The following NLGN4X variants were observed in gnomAD, a reference collection of about 807,000 sequenced individuals.
NLGN4X encodes neuroligin 4 X-linked, also known as neuroligin-4, X-linked.
In NLGN4X, 3 loss-of-function variants were observed where a neutral mutation model predicts 40.3. The ratio of observed to expected loss-of-function variants is 0.07; its 90% confidence interval spans 0.03 to 0.19. The LOEUF (loss-of-function observed/expected upper bound fraction) is 0.19, where lower values mean the gene tolerates loss of function less well. Ranked by LOEUF, NLGN4X falls within the 10% of genes least tolerant of loss-of-function variation. The pLI, the probability that NLGN4X is intolerant of heterozygous loss-of-function variation, is 1.00. For missense variants in NLGN4X, 382 were observed against 708.3 expected, an observed-to-expected ratio of 0.54 and a Z score of 5.23; for synonymous variants, 270 against 306.8, an observed-to-expected ratio of 0.88 and a Z score of 1.25.
intron 3 of NLGN4X, among the ~76,000 whole-genome samples, chrX:6,023,370 C>G (rs2036602829): frequency 8.9e-6 from 1 of 112,326 alleles, no homozygotes; most frequent in Admixed American, 9.4e-5. Context: ...AATTGTGTAT[C>G]TTGATCAGCA....
chrX:6,111,978 T>C (rs1056509338), intron 2 of NLGN4X, among the ~76,000 whole-genome samples: 1 of 112,057 alleles, frequency 8.9e-6, no homozygotes, highest in Non-Finnish European at 1.9e-5. Context: ...GCTAGAGTCA[T>C]GAACAAATAC....
At chrX:6,037,727 C>T (rs778916918) in intron 2 of NLGN4X, among the ~76,000 whole-genome samples, 44 of 103,184 alleles carry the variant, frequency 4.3e-4, no homozygotes, top group Non-Finnish European at 8.1e-4. Context: ...TACATTATTT[C>T]CACACAGGGA....
At position 6,128,376 on chromosome X, in the gene NLGN4X, CAGTCCACTCT is replaced by C. The variant is rs1405532577; in HGVS notation, c.472+22609_472+22618del. Among the ~76,000 whole-genome samples the C allele has an allele frequency of 2.7e-5, 3 of 111,899 alleles. No individual in the cohort carries two copies. The East Asian group carries it at 8.4e-4, about 31-fold the overall frequency. On this transcript the variant is annotated intron_variant, in intron 2 of 5. Transcript: ENST00000381095. ...TACAAGGGAGCCCACAAGAAAATGA[CAGTCCACTCT>C]AGTAAAAAACGATATGATGAAAATG...
At chrX:5,900,887 A>G (rs1489411002) in intron 5 of NLGN4X, among the ~76,000 whole-genome samples, 3 of 111,138 alleles carry the variant, frequency 2.7e-5, no homozygotes, top group African/African-American at 9.8e-5. Flanking sequence ...GCATAGCCAT[A>G]CAGTTTTGGA....
chrX:5,926,702 G>T (rs1422843788), intron 3 of NLGN4X, among the ~76,000 whole-genome samples: 2 of 108,415 alleles, frequency 1.8e-5, no homozygotes, highest in Non-Finnish European at 3.8e-5. Context: ...GGGCCTTTGT[G>T]TTTTTATTGT....
chrX:6,103,957 T>C (rs950658860), intron 2 of NLGN4X, among the ~76,000 whole-genome samples: 2 of 112,073 alleles, frequency 1.8e-5, no homozygotes, highest in Non-Finnish European at 3.8e-5. Flanking sequence ...GTATGTGCAA[T>C]TGGGTGCACC....
chrX:6,136,721 C>T (rs2039827193), intron 2 of NLGN4X, among the ~76,000 whole-genome samples: 1 of 112,337 alleles, frequency 8.9e-6, no homozygotes. Context: ...GAGACACAAA[C>T]AAATCCAATG....
chrX:5,951,876 G>C (rs1482453341), intron 3 of NLGN4X, among the ~76,000 whole-genome samples: 1 of 111,970 alleles, frequency 8.9e-6, no homozygotes, highest in Non-Finnish European at 1.9e-5. Flanking sequence ...TGCAGGATAA[G>C]GATCTGGAAA....
At chrX:5,901,915 AATATCTATATTTTT>A (rs1052534516) in intron 5 of NLGN4X, among the ~76,000 whole-genome samples, 15 of 107,801 alleles carry the variant, frequency 1.4e-4, no homozygotes, top group Non-Finnish European at 2.9e-4. Context: ...TACAAATAGG[AATATCTATATTTTT>A]ATATAGACAT....
intron 2 of NLGN4X, among the ~76,000 whole-genome samples, chrX:6,130,277 T>A (rs1362802104): frequency 9.0e-6 from 1 of 111,530 alleles, no homozygotes; most frequent in Non-Finnish European, 1.9e-5. Context: ...CATATAACAA[T>A]GTTATATATT....
intron 2 of NLGN4X, among the ~76,000 whole-genome samples, chrX:6,061,271 G>A (rs1481039480): frequency 9.0e-6 from 1 of 111,247 alleles, no homozygotes; most frequent in African/African-American, 3.3e-5. Flanking sequence ...CAACTTTAGT[G>A]GCTGTGGATG....
At chrX:6,117,030 C>T (rs748777632) in intron 2 of NLGN4X, among the ~76,000 whole-genome samples, 1 of 111,212 alleles carries the variant, frequency 9.0e-6, no homozygotes, top group South Asian at 3.8e-4. Context: ...TTGGTGAGGA[C>T]ATTTTCATGT....
intron 2 of NLGN4X, among the ~76,000 whole-genome samples, chrX:6,115,345 G>T (rs940815153): frequency 2.7e-5 from 3 of 112,060 alleles, no homozygotes; most frequent in Admixed American, 1.9e-4. Context: ...GATAACTCAT[G>T]CATCCTTTTT....
intron 2 of NLGN4X, among the ~76,000 whole-genome samples, chrX:6,066,290 T>C (rs1939332307): frequency 8.9e-6 from 1 of 112,286 alleles, no homozygotes. Flanking sequence ...ATCTTCCATG[T>C]TAGCATGTTA....
intron 3 of NLGN4X, among the ~76,000 whole-genome samples, chrX:5,942,401 G>T (rs914666450): frequency 2.1e-4 from 24 of 111,777 alleles, no homozygotes; most frequent in Non-Finnish European, 3.6e-4. Flanking sequence ...CTTCGAAAGG[G>T]CATGACATGC....
chrX:6,173,821 G>A (rs1201894419), intron 1 of NLGN4X, among the ~76,000 whole-genome samples: 1 of 111,930 alleles, frequency 8.9e-6, no homozygotes, highest in Non-Finnish European at 1.9e-5. Flanking sequence ...ACTTCAGGAG[G>A]CCGAGGCAGC....
intron 2 of NLGN4X, among the ~76,000 whole-genome samples, chrX:6,125,744 CTTAT>C (rs1487244207): frequency 1.8e-5 from 2 of 111,720 alleles, no homozygotes; most frequent in Non-Finnish European, 3.8e-5. Flanking sequence ...AGTAATTCTA[CTTAT>C]TTAAGTTTTC....
chrX:5,933,592 T>C (rs1429274628), intron 3 of NLGN4X, among the ~76,000 whole-genome samples: 4 of 111,869 alleles, frequency 3.6e-5, no homozygotes, highest in South Asian at 3.7e-4. Context: ...TGGTTAACCA[T>C]AGTAAGGATA....
rs12857993 is a variant in NLGN4X at position 6,032,238 on chromosome X, C to A, written c.473-2806G>T. Among the ~76,000 whole-genome samples, 430 of 48,193 alleles carry A rather than the reference C, an allele frequency of 8.9e-3. 3 individuals carry two copies. Among genetic ancestry groups the A allele is most frequent in the African/African-American group, 0.019 (243 of 13,086 alleles). The allele number at this position is 48,193 out of a possible 115,157, so 41.8% of individuals were successfully genotyped here. The stretch of plus-strand genomic sequence containing the variant: ...ACTGATATTTCAGCCCCCCCCCCCC[C>A]AAAAAAAATTCTTCTAAGGTGCTGT... On this transcript the variant is annotated intron_variant, in intron 2 of 5. Coordinates refer to ENST00000381095, the MANE Select transcript of NLGN4X (RefSeq NM_181332.3).
Sources: allele counts gnomAD v4.1 joint callset (sites outside exome capture counted in the v4.1 genomes callset), GRCh38; gene constraint gnomAD v4.1.1; transcripts MANE v1.5; gene names NCBI Gene and HGNC (gene_info 2026-07-23, HGNC 2026-07-21).